Variants in TMEM151A observed in about 807,000 individuals in gnomAD.
TMEM151A encodes transmembrane protein 151.
A neutral mutation model predicts 33.7 loss-of-function variants in TMEM151A; 21 were observed. The observed-to-expected ratio is 0.62, with a 90% CI of 0.44 to 0.90. The LOEUF is 0.90. Ranked by LOEUF, TMEM151A falls within the 40% of genes least tolerant of loss-of-function variation. The pLI is 0.00. For missense variants in TMEM151A, 704 were observed against 697.7 expected, an observed-to-expected ratio of 1.01 and a Z score of -0.10; for synonymous variants, 374 against 330.3, an observed-to-expected ratio of 1.13 and a Z score of -1.43.
rs967776561 is a variant in TMEM151A at position 66,291,965 on chromosome 11, C to T, written c.-49C>T. ...GCGTCGCAGCCCTCCGTGCTCCCCC[C>T]TATCATGCCCGGTGCCCAGGCTGGG... On this transcript the variant is annotated 5_prime_UTR_variant, in exon 1 of 2. Transcript: ENST00000327259. 10 of 1,461,346 alleles carry T rather than the reference C, an allele frequency of 6.8e-6. No homozygotes were observed. The highest frequency in any genetic ancestry group is 5.9e-5 in the African/African-American group (4 of 67,562). 90.5% of individuals were successfully genotyped at this position (1,461,346 alleles called of 1,614,324 possible).
At position 66,294,356 on chromosome 11, in the gene TMEM151A, T is replaced by C. The variant is rs751266807; in HGVS notation, c.110T>C (p.Leu37Pro). 1.9e-6 allele frequency: 3 copies of C among 1,610,414 alleles called. No homozygotes were observed. Among genetic ancestry groups the C allele is most frequent in the South Asian group, 1.1e-5 (1 of 91,084 alleles). Residue 37 changes from leucine (L) to proline (P), a missense_variant, in exon 2 of 2, where the codon CTG (leucine) becomes CCG (proline). By Grantham distance (98) the Leu-to-Pro change is moderately conservative. Coordinates refer to ENST00000327259, the MANE Select transcript of TMEM151A (RefSeq NM_153266.4). ...CTGAAACAGTCCCTGGGAAGCTCCC[T>C]GTGCCGCGAGTCGCACTGGAAGTGC... is the stretch of plus-strand genomic sequence containing the variant. ...RPLKQSLGSS[L>P]CRESHWKCLL...
Position 66,291,945 on chromosome 11 carries a change from G to T in TMEM151A, c.-69G>T. On this transcript the variant is annotated 5_prime_UTR_variant, in exon 1 of 2. Transcript: ENST00000327259. ...AGCGGACGCCCCCGGGGGCCGCGTC[G>T]CAGCCCTCCGTGCTCCCCCCTATCA... The T allele has an allele frequency of 7.7e-7, 1 of 1,298,016 alleles. No homozygotes were observed. The highest frequency in any genetic ancestry group is 1.0e-6 in the Non-Finnish European group (1 of 980,328). 80.4% of individuals were successfully genotyped at this position (1,298,016 alleles called of 1,614,324 possible).
At position 66,292,899 on chromosome 11, in the gene TMEM151A, G is replaced by A. The variant is rs1857471302; in HGVS notation, c.75+811G>A. 6.6e-6 allele frequency among the ~76,000 whole-genome samples: 1 copy of A among 151,930 alleles called. No homozygotes were observed. The highest frequency in any genetic ancestry group is 1.5e-5 in the Non-Finnish European group (1 of 67,958). Reference sequence around the variant, plus strand: ...GGGGGTCAGTTTGCAGTGGGGGGTGGGGAGATGTGCACTGTGGTCAGGTGA... The same window carrying A: ...GGGGGTCAGTTTGCAGTGGGGGGTGAGGAGATGTGCACTGTGGTCAGGTGA... On this transcript the variant is annotated intron_variant, in intron 1 of 1. Transcript: ENST00000327259. This position sits in a 1 kb window ranked among gnomAD's most constrained non-coding sequence, Gnocchi z 4.7.
chr11:66,294,449 C>G lies in TMEM151A; in HGVS notation c.203C>G (p.Pro68Arg). ...GCCTGGTGTCGCCTGGCCACAGTGC[C>G]GCGGCTGGTCCTGGGGCCCGAGGCC... ...VVAWCRLATV[P>R]RLVLGPEAAL... is the part of the protein sequence containing the mutation. The change falls in exon 2 of 2, where the codon CCG becomes CGG. Residue 68 changes from proline to arginine, a missense_variant. Pro to Arg is a moderately radical substitution (Grantham distance 103). This residue lies in a region of TMEM151A where 301 missense variants were observed against 323.4 expected (regional missense o/e 0.93). Coordinates refer to ENST00000327259, the MANE Select transcript of TMEM151A (RefSeq NM_153266.4). The G allele has an allele frequency of 6.2e-7, 1 of 1,609,328 alleles. No individual in the cohort carries two copies. Among genetic ancestry groups the G allele is most frequent in the Non-Finnish European group, 8.5e-7 (1 of 1,178,148 alleles).
rs1288543409 is a variant in TMEM151A, at chr11:66,296,661, G to A, written c.*1008G>A. On this transcript the variant is annotated 3_prime_UTR_variant, in exon 2 of 2. Transcript: ENST00000327259. ...TGCAGATTAAATAAAGGTATGGAATGGAAGGCCTGTGCATTCCTGGGTCAT... is the reference window on the plus strand; with the variant it reads ...TGCAGATTAAATAAAGGTATGGAATAGAAGGCCTGTGCATTCCTGGGTCAT... 1.3e-5 allele frequency: 2 copies of A among 152,294 alleles called. No homozygotes were observed. The highest frequency in any genetic ancestry group is 2.9e-5 in the Non-Finnish European group (2 of 68,076). The allele number at this position is 152,294 out of a possible 1,614,324, so 9.4% of individuals were successfully genotyped here.
rs2134899959 is a variant in TMEM151A at position 66,295,426 on chromosome 11, C to T, written c.1180C>T (p.Pro394Ser). Residue 394 changes from proline (P) to serine (S), a missense_variant, in exon 2 of 2, where the codon CCC (proline) becomes TCC (serine). This residue lies in a region of TMEM151A where 398 missense variants were observed against 356.0 expected (regional missense o/e 1.12). Transcript: ENST00000327259. ...VSSNSLPPAR[P>S]SGPRLPFSRS... Reference sequence around the variant, plus strand: ...CAGCAACTCGCTGCCCCCCGCCCGGCCCAGCGGGCCCCGCCTGCCCTTCAG... The same window carrying T: ...CAGCAACTCGCTGCCCCCCGCCCGGTCCAGCGGGCCCCGCCTGCCCTTCAG... The T allele has an allele frequency of 2.7e-6, 4 of 1,483,256 alleles. No individual in the cohort carries two copies. Among genetic ancestry groups the T allele is most frequent in the Non-Finnish European group, 3.6e-6 (4 of 1,117,730 alleles). 91.9% of individuals were successfully genotyped at this position (1,483,256 alleles called of 1,614,324 possible). A position where few individuals can be genotyped will look rare whatever the true frequency, so the allele number is the denominator to read the frequency against.
rs906807911 is a variant in TMEM151A, at chr11:66,294,178, A to C, written c.76-144A>C. The C allele has an allele frequency of 8.6e-6, 11 of 1,276,026 alleles. No individual in the cohort carries two copies. In the African/African-American group the frequency reaches 1.2e-4, roughly 14 times the overall value. 79.0% of individuals were successfully genotyped at this position (1,276,026 alleles called of 1,614,324 possible). A position where few individuals can be genotyped will look rare whatever the true frequency, so the allele number is the denominator to read the frequency against. ...AGCTGGAAATGTGAAGCCTGGAGCA[A>C]GCTGCTCATCCCTCTAAGCCTCAGT... On this transcript the variant is annotated intron_variant, in intron 1 of 1. Coordinates refer to ENST00000327259, the MANE Select transcript of TMEM151A (RefSeq NM_153266.4).
At chr11:66,293,684 G>A (rs1405741412) in intron 1 of TMEM151A, among the ~76,000 whole-genome samples, 8 of 152,196 alleles carry the variant, frequency 5.3e-5, no homozygotes, top group South Asian at 4.1e-4. Context: ...CAGGGTAATG[G>A]TGATCATATT....
In TMEM151A at chr11:66,295,375, T is replaced by C; in HGVS notation, c.1129T>C (p.Cys377Arg). The C allele has an allele frequency of 6.4e-7, 1 of 1,558,274 alleles. No homozygotes were observed. The highest frequency in any genetic ancestry group is 8.7e-7 in the Non-Finnish European group (1 of 1,154,892). ...GGGCTCGGGCGCCTACCTCAGAGGC[T>C]GCCAGCGCTGCCGCCGCTCTGTCAG... ...GAGSGAYLRG[C>R]QRCRRSVSSN... The change falls in exon 2 of 2, where the codon TGC becomes CGC. Residue 377 changes from cysteine (C) to arginine (R), a missense_variant. Physicochemically the swap from Cys to Arg is radical, Grantham distance 180. Around this residue, in one of 3 missense-constraint regions of TMEM151A, gnomAD observed 398 missense variants for 356.0 expected, o/e 1.12. Coordinates refer to ENST00000327259, the MANE Select transcript of TMEM151A (RefSeq NM_153266.4).
chr11:66,295,548 G>A lies in TMEM151A; in HGVS notation c.1302G>A (p.Thr434=), dbSNP rs1857510401. ...CGCTGGGGCGCCGTGGAGAGGACAC[G>A]GAACCCCTGGAGAGCCCGCCCTGCT... ...GGPLGRRGED[T]EPLESPPCYE... is the part of the protein sequence containing the mutation. The change falls in exon 2 of 2, where the codon ACG becomes ACA. Residue 434 remains threonine, a synonymous_variant. Transcript: ENST00000327259. 9 of 1,455,562 alleles carry A rather than the reference G, an allele frequency of 6.2e-6. No homozygotes were observed. Among genetic ancestry groups the A allele is most frequent in the African/African-American group, 1.5e-5 (1 of 67,388 alleles). The allele number at this position is 1,455,562 out of a possible 1,614,324, so 90.2% of individuals were successfully genotyped here.
rs1244078429 is a variant in TMEM151A at position 66,294,854 on chromosome 11, T to C, written c.608T>C (p.Val203Ala). 3 of 1,537,936 alleles carry C rather than the reference T, an allele frequency of 2.0e-6. No homozygotes were observed. Among genetic ancestry groups the C allele is most frequent in the Non-Finnish European group, 2.6e-6 (3 of 1,145,578 alleles). ...TACTCGGCGCACGGCGTCCGCGACGTCTCCAAGGAGCTGGTGGGGCTGGCG... is the reference window on the plus strand; with the variant it reads ...TACTCGGCGCACGGCGTCCGCGACGCCTCCAAGGAGCTGGTGGGGCTGGCG... The part of the protein sequence containing the change: ...FDYSAHGVRD[V>A]SKELVGLAEH... Residue 203 changes from valine (V) to alanine (A), a missense_variant, in exon 2 of 2, where the codon GTC becomes GCC. By Grantham distance (64) the Val-to-Ala change is moderately conservative. Transcript: ENST00000327259.
Position 66,295,073 on chromosome 11 carries a change from C to G in TMEM151A, c.827C>G (p.Pro276Arg), listed in dbSNP as rs761037709. The change falls in exon 2 of 2, where the codon CCC becomes CGC. Residue 276 changes from proline to arginine, a missense_variant. Coordinates refer to ENST00000327259, the MANE Select transcript of TMEM151A (RefSeq NM_153266.4). ...FRESLMVFAD[P>R]RSPPWYARAW... ...GAGTCGCTCATGGTCTTCGCCGACC[C>G]CCGCAGCCCGCCCTGGTACGCGCGC... 2 of 1,597,892 alleles carry G rather than the reference C, an allele frequency of 1.3e-6. No individual in the cohort carries two copies. The highest frequency in any genetic ancestry group is 2.2e-5 in the East Asian group (1 of 44,794).
rs1857461373 is a variant in TMEM151A, at chr11:66,292,097, G to T, written c.75+9G>T. ...AGCCGCTGCGGGAAGAGGTACCGGC[G>T]CTGGGGGGGCCGGAGCCGGGCCTGG... On this transcript the variant is annotated intron_variant, in intron 1 of 1. Coordinates refer to ENST00000327259, the MANE Select transcript of TMEM151A (RefSeq NM_153266.4). This position sits in a 1 kb window ranked among gnomAD's most constrained non-coding sequence, Gnocchi z 4.7. The T allele has an allele frequency of 1.0e-5, 15 of 1,452,300 alleles. No homozygotes were observed. The highest frequency in any genetic ancestry group is 1.3e-5 in the Non-Finnish European group (15 of 1,112,564). 90.0% of individuals were successfully genotyped at this position (1,452,300 alleles called of 1,614,324 possible).
Position 66,291,975 on chromosome 11 carries a change from C to T in TMEM151A, c.-39C>T, listed in dbSNP as rs1403753930. 3 of 1,487,316 alleles carry T rather than the reference C, an allele frequency of 2.0e-6. No individual in the cohort carries two copies. Among genetic ancestry groups the T allele is most frequent in the East Asian group, 5.7e-5 (2 of 34,980 alleles). 92.1% of individuals were successfully genotyped at this position (1,487,316 alleles called of 1,614,324 possible). A position where few individuals can be genotyped will look rare whatever the true frequency, so the allele number is the denominator to read the frequency against. ...CCTCCGTGCTCCCCCCTATCATGCC[C>T]GGTGCCCAGGCTGGGGCCGCCCAAG... is the stretch of plus-strand genomic sequence containing the variant. On this transcript the variant is annotated 5_prime_UTR_variant, in exon 1 of 2. Transcript: ENST00000327259.
In TMEM151A at chr11:66,291,962, C is replaced by G; in HGVS notation, c.-52C>G. On this transcript the variant is annotated 5_prime_UTR_variant, in exon 1 of 2. Transcript: ENST00000327259. ...GCCGCGTCGCAGCCCTCCGTGCTCC[C>G]CCCTATCATGCCCGGTGCCCAGGCT... The G allele has an allele frequency of 1.4e-6, 2 of 1,446,658 alleles. No individual in the cohort carries two copies. Among genetic ancestry groups the G allele is most frequent in the Non-Finnish European group, 1.8e-6 (2 of 1,088,896 alleles). The allele number at this position is 1,446,658 out of a possible 1,614,324, so 89.6% of individuals were successfully genotyped here.
chr11:66,295,032 GGACGTA>G lies in TMEM151A; in HGVS notation c.790_795del (p.Val264_Asp265del). ...AGGCGCGCGAGGGCATGCACCTGAA[GGACGTA>G]GACTTCCGCGAGTCGCTCATGGTCT... On this transcript the variant is annotated inframe_deletion, in exon 2 of 2. Transcript: ENST00000327259. 6.3e-7 allele frequency: 1 copy of G among 1,599,040 alleles called. No individual in the cohort carries two copies. Among genetic ancestry groups the G allele is most frequent in the East Asian group, 2.2e-5 (1 of 44,806 alleles).
At position 66,295,415 on chromosome 11, in the gene TMEM151A, C is replaced by G. The variant is rs1165283862; in HGVS notation, c.1169C>G (p.Pro390Arg). The change falls in exon 2 of 2, where the codon CCC becomes CGC. Residue 390 changes from proline to arginine, a missense_variant. Physicochemically the swap from Pro to Arg is moderately radical, Grantham distance 103 (BLOSUM62 -2). This residue lies in a region of TMEM151A where 398 missense variants were observed against 356.0 expected (regional missense o/e 1.12). Transcript: ENST00000327259. ...CRRSVSSNSL[P>R]PARPSGPRLP... Reference sequence around the variant, plus strand: ...CGCTCTGTCAGCAGCAACTCGCTGCCCCCCGCCCGGCCCAGCGGGCCCCGC... The same window carrying G: ...CGCTCTGTCAGCAGCAACTCGCTGCGCCCCGCCCGGCCCAGCGGGCCCCGC... 5 of 1,506,826 alleles carry G rather than the reference C, an allele frequency of 3.3e-6. No homozygotes were observed. The highest frequency in any genetic ancestry group is 4.4e-6 in the Non-Finnish European group (5 of 1,128,844). The allele number at this position is 1,506,826 out of a possible 1,614,324, so 93.3% of individuals were successfully genotyped here. A position where few individuals can be genotyped will look rare whatever the true frequency, so the allele number is the denominator to read the frequency against.
chr11:66,294,494 G>A lies in TMEM151A; in HGVS notation c.248G>A (p.Gly83Glu). The A allele has an allele frequency of 5.0e-6, 8 of 1,604,612 alleles. No individual in the cohort carries two copies. Among genetic ancestry groups the A allele is most frequent in the Non-Finnish European group, 6.8e-6 (8 of 1,175,386 alleles). The change falls in exon 2 of 2, where the codon GGG becomes GAG. Residue 83 changes from glycine (G) to glutamate (E), a missense_variant. Physicochemically the swap from Gly to Glu is moderately conservative, Grantham distance 98 (BLOSUM62 -2). Transcript: ENST00000327259. ...GPEAALARGAGGPPPTYPASP... is the reference protein window; with the variant it reads ...GPEAALARGAEGPPPTYPASP... ...GAGGCCGCCTTGGCCCGGGGAGCCG[G>A]GGGCCCGCCACCGACCTACCCGGCC...
chr11:66,294,459 C>G lies in TMEM151A; in HGVS notation c.213C>G (p.Val71=). The stretch of plus-strand genomic sequence containing the variant: ...GCCTGGCCACAGTGCCGCGGCTGGT[C>G]CTGGGGCCCGAGGCCGCCTTGGCCC... ...WCRLATVPRL[V]LGPEAALARG... Residue 71 remains valine, a synonymous_variant, in exon 2 of 2, where the codon GTC becomes GTG. Transcript: ENST00000327259. 6.2e-7 allele frequency: 1 copy of G among 1,608,252 alleles called. No homozygotes were observed. Among genetic ancestry groups the G allele is most frequent in the Non-Finnish European group, 8.5e-7 (1 of 1,177,430 alleles).
Sources: allele counts gnomAD v4.1 joint callset (sites outside exome capture counted in the v4.1 genomes callset), GRCh38; gene constraint gnomAD v4.1.1; regional missense constraint gnomAD v4.1.1; non-coding constraint Gnocchi (gnomAD v3.1); transcripts MANE v1.5; gene names NCBI Gene and HGNC (gene_info 2026-07-23, HGNC 2026-07-21).